Variants in DIAPH3 observed in about 807,000 individuals in gnomAD.
DIAPH3 encodes diaphanous related formin 3, also known as protein diaphanous homolog 3.
A neutral mutation model predicts 144.3 loss-of-function variants in DIAPH3; 117 were observed. The ratio of observed to expected loss-of-function variants is 0.81; its 90% CI spans 0.70 to 0.95. DIAPH3 has a LOEUF of 0.95. DIAPH3 is among the 40% of genes least tolerant of loss of function. DIAPH3 has a pLI of 0.00. For missense variants in DIAPH3, 1,421 were observed against 1,412.7 expected, an observed-to-expected ratio of 1.01 and a Z score of -0.09; for synonymous variants, 519 against 488.9, an observed-to-expected ratio of 1.06 and a Z score of -0.81.
At chr13:60,133,568 A>G (rs1190042340) in intron 1 of DIAPH3, among the ~76,000 whole-genome samples, 1 of 152,180 alleles carries the variant, frequency 6.6e-6, no homozygotes, top group Admixed American at 6.5e-5. Flanking sequence ...TTGATTTATC[A>G]TGAGTGGTGA....
chr13:59,999,753 C>T (rs199591097), intron 9 of DIAPH3, among the ~76,000 whole-genome samples: 4,493 of 152,244 alleles, frequency 0.03, 92 homozygotes, highest in Middle Eastern at 0.044. Flanking sequence ...TTCCCACTCT[C>T]CTTCACCTAG....
At chr13:60,065,253 TAAA>T (rs11344639) in intron 4 of DIAPH3, among the ~76,000 whole-genome samples, 28 of 88,254 alleles carry the variant, frequency 3.2e-4, no homozygotes, top group African/African-American at 6.8e-4. Flanking sequence ...TTTAATTTAT[TAAA>T]AAAAAAAAAA....
intron 13 of DIAPH3, among the ~76,000 whole-genome samples, chr13:59,983,442 C>T (rs1469179674): frequency 6.6e-6 from 1 of 151,342 alleles, no homozygotes; most frequent in Non-Finnish European, 1.5e-5. Flanking sequence ...ATTTTTAGGA[C>T]CTTATCAAAG....
chr13:59,994,285 T>A (rs2140846639), intron 9 of DIAPH3, among the ~76,000 whole-genome samples: 1 of 152,076 alleles, frequency 6.6e-6, no homozygotes, highest in African/African-American at 2.4e-5. Context: ...AGGTATGCAC[T>A]AAAATGCATT....
chr13:59,816,281 C>G (rs2040769245), intron 24 of DIAPH3, among the ~76,000 whole-genome samples: 1 of 151,718 alleles, frequency 6.6e-6, no homozygotes, highest in African/African-American at 2.4e-5. Flanking sequence ...AACTTCTAGG[C>G]CAAGTATTTA....
At chr13:59,787,120 T>C (rs2139374509) in intron 25 of DIAPH3, among the ~76,000 whole-genome samples, 1 of 152,198 alleles carries the variant, frequency 6.6e-6, no homozygotes, top group East Asian at 1.9e-4. Flanking sequence ...AATAATAATG[T>C]GTAACATGTA....
At chr13:59,889,415 T>A (rs1046873460) in intron 20 of DIAPH3, among the ~76,000 whole-genome samples, 1 of 152,080 alleles carries the variant, frequency 6.6e-6, no homozygotes, top group African/African-American at 2.4e-5. Context: ...AAATTTTTAA[T>A]TTAGTTATTG....
chr13:60,064,309 C>T (rs1178236870), intron 4 of DIAPH3, among the ~76,000 whole-genome samples: 2 of 152,216 alleles, frequency 1.3e-5, no homozygotes, highest in African/African-American at 4.8e-5. Context: ...TCCTAGATGG[C>T]ATCTTTTTCA....
intron 27 of DIAPH3, among the ~76,000 whole-genome samples, chr13:59,749,710 T>G (rs1020333317): frequency 1.3e-5 from 2 of 151,862 alleles, no homozygotes; most frequent in African/African-American, 4.8e-5. Context: ...TATTATACAG[T>G]TCATAGGTAT....
At chr13:59,957,688 A>G (rs573213104) in intron 17 of DIAPH3, among the ~76,000 whole-genome samples, 1 of 152,350 alleles carries the variant, frequency 6.6e-6, no homozygotes, top group South Asian at 2.1e-4. Flanking sequence ...CAATTTTAAA[A>G]TGTATTTATG....
chr13:59,763,380 T>C (rs976259407), intron 27 of DIAPH3, among the ~76,000 whole-genome samples: 16 of 152,118 alleles, frequency 1.1e-4, no homozygotes, highest in African/African-American at 2.9e-4. Context: ...CCTTTCATCA[T>C]TGAAATAGTC....
intron 9 of DIAPH3, among the ~76,000 whole-genome samples, chr13:60,002,050 T>C (rs2052556274): frequency 6.6e-6 from 1 of 152,184 alleles, no homozygotes; most frequent in South Asian, 2.1e-4. Context: ...AGGGGAAGTT[T>C]GCGCAATCAC....
chr13:59,760,546 T>G (rs1342563315), intron 27 of DIAPH3, among the ~76,000 whole-genome samples: 1 of 152,178 alleles, frequency 6.6e-6, no homozygotes, highest in Non-Finnish European at 1.5e-5. Flanking sequence ...CCTAACGGTA[T>G]TTACTAGTTC....
chr13:59,867,356 C>T (rs567730942), intron 21 of DIAPH3, among the ~76,000 whole-genome samples: 1 of 151,386 alleles, frequency 6.6e-6, no homozygotes, highest in South Asian at 2.1e-4. Context: ...TAACCACAAC[C>T]ATTAATATTA....
intron 18 of DIAPH3, among the ~76,000 whole-genome samples, chr13:59,924,031 T>C (rs573710520): frequency 2.0e-5 from 3 of 152,296 alleles, no homozygotes; most frequent in East Asian, 3.9e-4. Flanking sequence ...CTAAAAACCA[T>C]GTTAATTCTT....
chr13:59,770,799 C>A (rs2038080626), intron 27 of DIAPH3, among the ~76,000 whole-genome samples: 1 of 152,108 alleles, frequency 6.6e-6, no homozygotes, highest in Non-Finnish European at 1.5e-5. Flanking sequence ...GCAATTATTA[C>A]TAGTCTGTCT....
intron 5 of DIAPH3, among the ~76,000 whole-genome samples, chr13:60,017,590 G>A (rs538578273): frequency 3.9e-5 from 6 of 151,964 alleles, no homozygotes; most frequent in Non-Finnish European, 8.8e-5. Flanking sequence ...GTAAAATCCA[G>A]CTTCTTCATT....
chr13:60,085,486 T>C (rs1566753634), intron 4 of DIAPH3, among the ~76,000 whole-genome samples: 1 of 152,126 alleles, frequency 6.6e-6, no homozygotes, highest in Non-Finnish European at 1.5e-5. Context: ...CCAGGAGGGC[T>C]TTACTCAATA....
intron 20 of DIAPH3, among the ~76,000 whole-genome samples, chr13:59,898,837 T>C (rs1189206810): frequency 6.6e-6 from 1 of 152,162 alleles, no homozygotes; most frequent in South Asian, 2.1e-4. Context: ...GTATTGTTCC[T>C]GGGTATGTCT....
Sources: gnomAD v4.1 joint callset for allele counts (sites outside exome capture counted in the v4.1 genomes callset) on GRCh38, gnomAD v4.1.1 for gene constraint, MANE v1.5 for transcripts, NCBI Gene and HGNC (gene_info 2026-07-23, HGNC 2026-07-21) for gene names.